Variants in OTOP1 observed in about 807,000 individuals in gnomAD.
The protein encoded by OTOP1 is proton channel OTOP1.
OTOP1 carries 59 observed loss-of-function variants against 52.9 expected under a neutral mutation model. The ratio of observed to expected loss-of-function variants is 1.12; its 90% CI spans 0.91 to 1.39. The LOEUF is 1.39. OTOP1 is among the 40% of genes most tolerant of loss of function. The pLI, the probability that OTOP1 is intolerant of heterozygous loss-of-function variation, is 0.00. For synonymous variants in OTOP1, 317 were observed against 337.7 expected (o/e 0.94, Z 0.67); for missense variants, 761 against 800.9 (o/e 0.95, Z 0.60).
intron 3 of OTOP1, among the ~76,000 whole-genome samples, chr4:4,204,147 G>A (rs1034222771): frequency 2.6e-5 from 4 of 152,096 alleles, no homozygotes; most frequent in East Asian, 3.8e-4. Context: ...GGTCTCTCTC[G>A]GGAAACTGCA....
rs562935001 is a variant in OTOP1 at position 4,219,798 on chromosome 4, A to C, written c.403+6664T>G. On this transcript the variant is annotated intron_variant, in intron 1 of 5. Coordinates refer to ENST00000296358, the MANE Select transcript of OTOP1 (RefSeq NM_177998.3). Reference sequence around the variant, plus strand: ...ATATATATGCACATATATATGTATAAATATATATACGTGTATATATGTATA... The same window carrying C: ...ATATATATGCACATATATATGTATACATATATATACGTGTATATATGTATA... Among the ~76,000 whole-genome samples, 1,188 of 146,086 alleles carry C rather than the reference A, an allele frequency of 8.1e-3. 7 individuals carry two copies. The highest frequency in any genetic ancestry group is 0.012 in the Admixed American group (174 of 14,724).
intron 5 of OTOP1, among the ~76,000 whole-genome samples, chr4:4,191,453 C>T (rs377293523): frequency 5.3e-5 from 8 of 152,194 alleles, no homozygotes; most frequent in Non-Finnish European, 1.0e-4. Context: ...GGTGATAAAG[C>T]GCTCTGTTAG....
chr4:4,206,163 G>C lies in OTOP1; in HGVS notation c.541-33C>G, dbSNP rs193143974. 5.3e-6 allele frequency: 8 copies of C among 1,521,882 alleles called. No individual in the cohort carries two copies. The African/African-American group carries it at 9.7e-5, about 18-fold the overall frequency. The allele number at this position is 1,521,882 out of a possible 1,614,324, so 94.3% of individuals were successfully genotyped here. A position where few individuals can be genotyped will look rare whatever the true frequency, so the allele number is the denominator to read the frequency against. Reference sequence around the variant, plus strand: ...GAAATAAAGAAAGAAAAGAAAAATCGGTGAGACACTCATCTTTACACTTGC... The same window carrying C: ...GAAATAAAGAAAGAAAAGAAAAATCCGTGAGACACTCATCTTTACACTTGC... On this transcript the variant is annotated intron_variant, in intron 2 of 5. Coordinates refer to ENST00000296358, the MANE Select transcript of OTOP1 (RefSeq NM_177998.3).
At chr4:4,193,418 T>A in intron 5 of OTOP1, among the ~76,000 whole-genome samples, 1 of 152,172 alleles carries the variant, frequency 6.6e-6, no homozygotes, top group East Asian at 1.9e-4. Context: ...TCCATGTCCG[T>A]CTCTGAAGTG....
At chr4:4,220,244 C>T (rs1385802968) in intron 1 of OTOP1, among the ~76,000 whole-genome samples, 1 of 150,346 alleles carries the variant, frequency 6.7e-6, no homozygotes, top group East Asian at 2.0e-4. Context: ...ATATATTTAA[C>T]TGCTGGTAAT....
At chr4:4,213,201 T>C (rs965136929) in intron 1 of OTOP1, among the ~76,000 whole-genome samples, 197 bp from the exon 2 acceptor site, 1 of 152,216 alleles carries the variant, frequency 6.6e-6, no homozygotes, top group Non-Finnish European at 1.5e-5. Context: ...GATGTCCACA[T>C]GCAAACGAAT....
chr4:4,210,503 CTG>C (rs1717002967), intron 2 of OTOP1, among the ~76,000 whole-genome samples: 1 of 152,180 alleles, frequency 6.6e-6, no homozygotes, highest in African/African-American at 2.4e-5. Context: ...GGCTGTCTCT[CTG>C]TGTGTGTCTG....
In OTOP1 at chr4:4,226,852, G is replaced by C; in HGVS notation, c.13C>G (p.Leu5Val). 1 of 1,337,090 alleles carries C rather than the reference G, an allele frequency of 7.5e-7. No individual in the cohort carries two copies. Among genetic ancestry groups the C allele is most frequent in the Non-Finnish European group, 9.5e-7 (1 of 1,049,090 alleles). The allele number at this position is 1,337,090 out of a possible 1,614,324, so 82.8% of individuals were successfully genotyped here. MLEG[L>V]GSPASPRAAA... ...GCCCGGGGCGAGGCGGGCGACCCCAGGCCCTCGAGCATCTTCGAGACACCC... is the reference window on the plus strand; with the variant it reads ...GCCCGGGGCGAGGCGGGCGACCCCACGCCCTCGAGCATCTTCGAGACACCC... The change falls in exon 1 of 6, where the codon CTG becomes GTG. Residue 5 changes from leucine (L) to valine (V), a missense_variant. Coordinates refer to ENST00000296358, the MANE Select transcript of OTOP1 (RefSeq NM_177998.3).
At chr4:4,221,601 CT>C (rs1414888285) in intron 1 of OTOP1, among the ~76,000 whole-genome samples, 7 of 152,218 alleles carry the variant, frequency 4.6e-5, no homozygotes, top group African/African-American at 1.7e-4. Context: ...AAGTTGAGGG[CT>C]AAGTCTCACA....
intron 5 of OTOP1, among the ~76,000 whole-genome samples, chr4:4,189,792 G>A (rs1221487409): frequency 6.6e-6 from 1 of 152,162 alleles, no homozygotes; most frequent in Non-Finnish European, 1.5e-5. Flanking sequence ...AGCCAGCAAG[G>A]AACTCAGACC....
intron 2 of OTOP1, among the ~76,000 whole-genome samples, chr4:4,209,905 C>T (rs1438785615): frequency 2.0e-5 from 3 of 152,162 alleles, no homozygotes; most frequent in Non-Finnish European, 4.4e-5. Flanking sequence ...AAGACACCCT[C>T]TTCCAGTGGT....
chr4:4,222,258 G>A (rs543930334), intron 1 of OTOP1, among the ~76,000 whole-genome samples: 31 of 152,140 alleles, frequency 2.0e-4, no homozygotes, highest in African/African-American at 7.5e-4. Context: ...CATACAACCT[G>A]GGGGCTGCCC....
At chr4:4,191,370 T>A (rs1362099168) in intron 5 of OTOP1, among the ~76,000 whole-genome samples, 1 of 152,190 alleles carries the variant, frequency 6.6e-6, no homozygotes, top group African/African-American at 2.4e-5. Flanking sequence ...GGAAATCAGA[T>A]CCTGTCCCTA....
Position 4,201,004 on chromosome 4 carries a change from C to G in OTOP1, c.730+1444G>C, listed in dbSNP as rs561891097. On this transcript the variant is annotated intron_variant, in intron 4 of 5. Transcript: ENST00000296358. ...TCCTTTTTTAGAAAATTAATCCAAC[C>G]TCATCTTTCACAGAGGGCCTTGAAG... Among the ~76,000 whole-genome samples, 1,147 of 152,262 alleles carry G rather than the reference C, an allele frequency of 7.5e-3. 14 individuals are homozygous for G. The highest frequency in any genetic ancestry group is 0.025 in the African/African-American group (1,050 of 41,546).
At chr4:4,216,171 T>C (rs1449866562) in intron 1 of OTOP1, among the ~76,000 whole-genome samples, 1 of 151,874 alleles carries the variant, frequency 6.6e-6, no homozygotes, top group East Asian at 1.9e-4. Context: ...CTGTGCTAGG[T>C]GTACTGAAGA....
At chr4:4,203,497 T>C (rs1244315450) in intron 3 of OTOP1, among the ~76,000 whole-genome samples, 2 of 152,218 alleles carry the variant, frequency 1.3e-5, no homozygotes, top group Non-Finnish European at 2.9e-5. Context: ...AGCCCTGCCC[T>C]TGGCTCTTTG....
Position 4,226,782 on chromosome 4 carries a change from C to G in OTOP1, c.83G>C (p.Cys28Ser). 2.2e-6 allele frequency: 3 copies of G among 1,374,816 alleles called. No homozygotes were observed. The highest frequency in any genetic ancestry group is 2.8e-6 in the Non-Finnish European group (3 of 1,067,884). 85.2% of individuals were successfully genotyped at this position (1,374,816 alleles called of 1,614,324 possible). ...CGGGGCCGAGGACGAGGGAGGCGAG[C>G]AGGCCGCTGGCCCCGACGACCCTGC... The part of the protein sequence containing the change: ...SVAGSSGPAA[C>S]SPPSSSAPRS... The change falls in exon 1 of 6, where the codon TGC (cysteine) becomes TCC (serine). Residue 28 changes from cysteine (C) to serine (S), a missense_variant. Around this residue, in one of 3 missense-constraint regions of OTOP1, gnomAD observed 73 missense variants for 75.7 expected, o/e 0.96. Coordinates refer to ENST00000296358, the MANE Select transcript of OTOP1 (RefSeq NM_177998.3).
At chr4:4,209,900 A>G (rs1716988320) in intron 2 of OTOP1, among the ~76,000 whole-genome samples, 1 of 151,580 alleles carries the variant, frequency 6.6e-6, no homozygotes, top group South Asian at 2.1e-4. Flanking sequence ...TCCCAAAGAC[A>G]CCCTCTTCCA....
Position 4,194,766 on chromosome 4 carries a change from G to A in OTOP1, c.1668+2400C>T, listed in dbSNP as rs2980121. Among the ~76,000 whole-genome samples, 634 of 152,204 alleles carry A rather than the reference G, an allele frequency of 4.2e-3. 4 individuals are homozygous for A. Among genetic ancestry groups the A allele is most frequent in the African/African-American group, 0.014 (600 of 41,522 alleles). Reference sequence around the variant, plus strand: ...GATGGGCAGGCACCTCTGTGGACTGGGGCACTCCCCTCCAGCCACCAGTCA... The same window carrying A: ...GATGGGCAGGCACCTCTGTGGACTGAGGCACTCCCCTCCAGCCACCAGTCA... On this transcript the variant is annotated intron_variant, in intron 5 of 5. Coordinates refer to ENST00000296358, the MANE Select transcript of OTOP1 (RefSeq NM_177998.3).
Sources: gnomAD v4.1 joint callset for allele counts (sites outside exome capture counted in the v4.1 genomes callset) on GRCh38, gnomAD v4.1.1 for gene constraint, gnomAD v4.1.1 regional missense constraint, MANE v1.5 for transcripts, NCBI Gene and HGNC (gene_info 2026-07-23, HGNC 2026-07-21) for gene names.